Variants in DRC11 observed in about 807,000 individuals in gnomAD.
DRC11 encodes IQ and AAA domain-containing protein 1.
chr2:236,466,045 A>G, the DRC11 span, among the ~76,000 whole-genome samples: 1 of 152,176 alleles, frequency 6.6e-6, no homozygotes, highest in East Asian at 1.9e-4. Context: ...TACAGAAGAA[A>G]CATTTGGAGA....
chr2:236,412,206 C>T, the DRC11 span, among the ~76,000 whole-genome samples: 12 of 152,204 alleles, frequency 7.9e-5, no homozygotes, highest in Non-Finnish European at 1.5e-5. Flanking sequence ...ATTCTCACTT[C>T]TCATGGCAGA....
the DRC11 span, among the ~76,000 whole-genome samples, chr2:236,465,214 C>T: frequency 6.6e-6 from 1 of 152,100 alleles, no homozygotes; most frequent in East Asian, 1.9e-4. The surrounding 1 kb of genome is among the most constrained non-coding windows in gnomAD (Gnocchi z 6.2). Flanking sequence ...AAGGTTATTT[C>T]TGGGTCCCCT....
chr2:236,441,744 T>TAAATTTATTGTACGTAAGACAA, the DRC11 span, among the ~76,000 whole-genome samples: 4 of 152,230 alleles, frequency 2.6e-5, no homozygotes, highest in African/African-American at 9.6e-5. Flanking sequence ...TACGTAAGAC[T>TAAATTTATTGTACGTAAGACAA]ATCTGCCAAG....
chr2:236,308,537 C>T, the DRC11 span, among the ~76,000 whole-genome samples: 1 of 152,210 alleles, frequency 6.6e-6, no homozygotes, highest in Admixed American at 6.5e-5. This position sits in a 1 kb window ranked among gnomAD's most constrained non-coding sequence, Gnocchi z 6.0. Flanking sequence ...CTCACGCTAG[C>T]GCTGCTGTGT....
chr2:236,451,729 G>A, the DRC11 span, among the ~76,000 whole-genome samples: 7 of 152,136 alleles, frequency 4.6e-5, no homozygotes, highest in Non-Finnish European at 8.8e-5. Flanking sequence ...CTTTACACCC[G>A]ATAAAGAAGC....
chr2:236,370,375 A>C, the DRC11 span, among the ~76,000 whole-genome samples: 1 of 152,192 alleles, frequency 6.6e-6, no homozygotes, highest in Non-Finnish European at 1.5e-5. The surrounding 1 kb of genome is among the most constrained non-coding windows in gnomAD (Gnocchi z 5.5). Context: ...AGGCACAGAA[A>C]GAGTAAGTAA....
the DRC11 span, among the ~76,000 whole-genome samples, chr2:236,451,088 G>A: frequency 1.3e-5 from 2 of 151,822 alleles, no homozygotes; most frequent in Admixed American, 1.3e-4. Context: ...ATTTTCATAA[G>A]GTTCTTATAC....
the DRC11 span, among the ~76,000 whole-genome samples, chr2:236,343,307 C>T: frequency 6.6e-6 from 1 of 152,226 alleles, no homozygotes; most frequent in Non-Finnish European, 1.5e-5. The surrounding 1 kb of genome is among the most constrained non-coding windows in gnomAD (Gnocchi z 6.6). Context: ...CTCCCAGACT[C>T]AGATGTGCAG....
chr2:236,420,842 C>T, the DRC11 span, among the ~76,000 whole-genome samples: 1 of 152,130 alleles, frequency 6.6e-6, no homozygotes, highest in South Asian at 2.1e-4. The surrounding 1 kb of genome is among the most constrained non-coding windows in gnomAD (Gnocchi z 4.8). Context: ...AAAGGCTCAC[C>T]TTGACTCACA....
chr2:236,365,133 TG>T, the DRC11 span, among the ~76,000 whole-genome samples: 1 of 151,802 alleles, frequency 6.6e-6, no homozygotes, highest in East Asian at 1.9e-4. This position sits in a 1 kb window ranked among gnomAD's most constrained non-coding sequence, Gnocchi z 7.4. Flanking sequence ...GGAGCTAGTG[TG>T]GGGGTCCGTG....
the DRC11 span, among the ~76,000 whole-genome samples, chr2:236,448,799 A>G: frequency 5.3e-5 from 8 of 152,296 alleles, no homozygotes; most frequent in Admixed American, 1.3e-4. The surrounding 1 kb of genome is among the most constrained non-coding windows in gnomAD (Gnocchi z 5.3). Context: ...TGGGGGAGCC[A>G]TGGAATTTCA....
the DRC11 span, among the ~76,000 whole-genome samples, chr2:236,468,484 A>G: frequency 9.2e-5 from 14 of 152,364 alleles, no homozygotes; most frequent in African/African-American, 2.9e-4. Flanking sequence ...GAATTACAGA[A>G]TCATTTTAAA....
the DRC11 span, among the ~76,000 whole-genome samples, chr2:236,435,591 G>T: frequency 6.6e-6 from 1 of 152,160 alleles, no homozygotes; most frequent in South Asian, 2.1e-4. Context: ...TGTCTTACAT[G>T]GTGGTAGGAG....
At chr2:236,408,922 T>C in the DRC11 span, 3 of 672,866 alleles carry the variant, frequency 4.5e-6, no homozygotes, top group Non-Finnish European at 8.3e-6. This position sits in a 1 kb window ranked among gnomAD's most constrained non-coding sequence, Gnocchi z 5.5. Context: ...ATGTGGGTCA[T>C]GCCAACCTTG....
At chr2:236,363,550 T>C in the DRC11 span, among the ~76,000 whole-genome samples, 1 of 152,196 alleles carries the variant, frequency 6.6e-6, no homozygotes, top group Non-Finnish European at 1.5e-5. The surrounding 1 kb of genome is among the most constrained non-coding windows in gnomAD (Gnocchi z 5.6). Flanking sequence ...AGGGTTCCTG[T>C]GGCAGAGGGA....
the DRC11 span, among the ~76,000 whole-genome samples, chr2:236,440,852 GA>G: frequency 9.4e-5 from 14 of 149,640 alleles, no homozygotes; most frequent in South Asian, 2.1e-4. Context: ...GGTAAGACGG[GA>G]AAAAAAAATG....
the DRC11 span, among the ~76,000 whole-genome samples, chr2:236,475,112 C>T: frequency 2.0e-5 from 3 of 152,108 alleles, no homozygotes; most frequent in Non-Finnish European, 4.4e-5. This position sits in a 1 kb window ranked among gnomAD's most constrained non-coding sequence, Gnocchi z 4.8. Flanking sequence ...ATTAATCAAT[C>T]TCTCTTCATT....
chr2:236,469,152 T>C, the DRC11 span, among the ~76,000 whole-genome samples: 1 of 152,246 alleles, frequency 6.6e-6, no homozygotes, highest in Admixed American at 6.5e-5. The surrounding 1 kb of genome is among the most constrained non-coding windows in gnomAD (Gnocchi z 5.8). Context: ...ATCTTACATA[T>C]TCCTGTACCG....
the DRC11 span, among the ~76,000 whole-genome samples, chr2:236,464,265 A>T: frequency 4.6e-5 from 7 of 152,124 alleles, no homozygotes; most frequent in Admixed American, 1.3e-4. Context: ...AGAAAGTTTG[A>T]TTTTTCTATT....
Sources: allele counts gnomAD v4.1 joint callset (sites outside exome capture counted in the v4.1 genomes callset), GRCh38; gene constraint gnomAD v4.1.1; non-coding constraint Gnocchi (gnomAD v3.1); transcripts MANE v1.5; gene names NCBI Gene and HGNC (gene_info 2026-07-23, HGNC 2026-07-21).